FBXL17: variants seen among roughly 807,000 people sequenced by gnomAD.
The protein encoded by FBXL17 is F-box and leucine rich repeat protein 17, also known as F-box/LRR-repeat protein 17.
In FBXL17, 22 loss-of-function variants were observed where a neutral mutation model predicts 66.2. That is an observed-to-expected ratio of 0.33 (90% confidence interval 0.24 to 0.47). The LOEUF is 0.47. Ranked by LOEUF, FBXL17 falls within the 20% of genes least tolerant of loss-of-function variation. The pLI, the probability that FBXL17 is intolerant of heterozygous loss-of-function variation, is 1.00. For missense variants in FBXL17, 878 were observed against 948.2 expected, an observed-to-expected ratio of 0.93 and a Z score of 0.97; for synonymous variants, 474 against 400.5, an observed-to-expected ratio of 1.18 and a Z score of -2.19.
intron 6 of FBXL17, among the ~76,000 whole-genome samples, chr5:108,102,628 CTG>C (rs754137771): frequency 2.6e-5 from 4 of 152,160 alleles, no homozygotes; most frequent in Non-Finnish European, 1.5e-5. Flanking sequence ...ACCACAGCAA[CTG>C]TGTTACTTTT....
At chr5:108,015,999 T>C (rs934968194) in intron 7 of FBXL17, among the ~76,000 whole-genome samples, 3 of 152,162 alleles carry the variant, frequency 2.0e-5, no homozygotes, top group Admixed American at 2.0e-4. Flanking sequence ...AAACTAAACA[T>C]CTGTATGTAG....
At chr5:107,877,127 A>G (rs1197782746) in intron 8 of FBXL17, among the ~76,000 whole-genome samples, 2 of 152,224 alleles carry the variant, frequency 1.3e-5, no homozygotes, top group African/African-American at 4.8e-5. Context: ...CGTCAGCTCC[A>G]AAACCCTCCA....
At chr5:108,288,314 A>C (rs1235966536) in intron 4 of FBXL17, among the ~76,000 whole-genome samples, 2 of 152,030 alleles carry the variant, frequency 1.3e-5, no homozygotes, top group East Asian at 3.9e-4. Context: ...AAAAAAAAAA[A>C]AGTTGTGAGA....
At chr5:108,002,313 C>T (rs534510633) in intron 7 of FBXL17, among the ~76,000 whole-genome samples, 4 of 151,764 alleles carry the variant, frequency 2.6e-5, no homozygotes, top group Admixed American at 6.6e-5. Context: ...CACAAGCCAC[C>T]GCGCCCAGTC....
chr5:108,339,953 TA>T (rs1746767809), intron 4 of FBXL17, among the ~76,000 whole-genome samples: 1 of 151,904 alleles, frequency 6.6e-6, no homozygotes, highest in Non-Finnish European at 1.5e-5. Context: ...ATCTGCTGGG[TA>T]AAAAATAATG....
At chr5:107,874,134 C>A (rs1276966185) in intron 8 of FBXL17, among the ~76,000 whole-genome samples, 2 of 151,994 alleles carry the variant, frequency 1.3e-5, no homozygotes, top group Non-Finnish European at 2.9e-5. Context: ...CAGGTTTCTT[C>A]TTTCTCTGCA....
At chr5:108,342,580 G>A (rs139061515) in intron 4 of FBXL17, among the ~76,000 whole-genome samples, 1 of 152,256 alleles carries the variant, frequency 6.6e-6, no homozygotes, top group African/African-American at 2.4e-5. Context: ...GTGTGGATTA[G>A]CATTACAGGT....
At chr5:108,120,096 CTTGAGA>C (rs1264015824) in intron 6 of FBXL17, among the ~76,000 whole-genome samples, 2 of 152,198 alleles carry the variant, frequency 1.3e-5, no homozygotes, top group African/African-American at 2.4e-5. Flanking sequence ...ACGAAACTGG[CTTGAGA>C]ACAGCATCTT....
chr5:108,137,381 C>T (rs1751176889), intron 6 of FBXL17, among the ~76,000 whole-genome samples: 1 of 152,122 alleles, frequency 6.6e-6, no homozygotes, highest in Non-Finnish European at 1.5e-5. Flanking sequence ...AGAGCCTCCT[C>T]CCTGATCTCT....
chr5:108,060,951 C>G (rs1747896157), intron 6 of FBXL17, among the ~76,000 whole-genome samples: 1 of 152,042 alleles, frequency 6.6e-6, no homozygotes, highest in Non-Finnish European at 1.5e-5. Context: ...GGCCAACAAC[C>G]AGACATCTTG....
chr5:108,274,951 G>A (rs1308885403), intron 4 of FBXL17, among the ~76,000 whole-genome samples: 1 of 152,128 alleles, frequency 6.6e-6, no homozygotes, highest in African/African-American at 2.4e-5. Context: ...TAAGGAAACT[G>A]GAGAGCAGAG....
intron 7 of FBXL17, among the ~76,000 whole-genome samples, chr5:107,927,219 G>T (rs1351349506): frequency 1.9e-4 from 29 of 152,058 alleles, no homozygotes; most frequent in Admixed American, 1.9e-3. Context: ...AGAGTGATAT[G>T]TTATAAATAA....
At chr5:108,347,559 C>A (rs375663601) in intron 4 of FBXL17, among the ~76,000 whole-genome samples, 2 of 152,274 alleles carry the variant, frequency 1.3e-5, no homozygotes, top group East Asian at 3.9e-4. Flanking sequence ...TTGAAAACAT[C>A]ATGCTGAGAC....
At chr5:108,251,905 CA>C (rs1756371107) in intron 4 of FBXL17, among the ~76,000 whole-genome samples, 1 of 151,630 alleles carries the variant, frequency 6.6e-6, no homozygotes, top group African/African-American at 2.4e-5. Context: ...AGATCTATTC[CA>C]TTAATTTTAA....
intron 7 of FBXL17, among the ~76,000 whole-genome samples, chr5:107,952,723 A>C (rs1751536211): frequency 6.6e-6 from 1 of 152,220 alleles, no homozygotes; most frequent in Admixed American, 6.5e-5. Flanking sequence ...TGAACTATTC[A>C]AACGGCATAA....
intron 4 of FBXL17, among the ~76,000 whole-genome samples, chr5:108,259,264 A>G (rs1580704073): frequency 2.0e-5 from 3 of 152,324 alleles, no homozygotes; most frequent in East Asian, 1.9e-4. Flanking sequence ...AAAAATGTCT[A>G]TCGATATGGG....
intron 6 of FBXL17, among the ~76,000 whole-genome samples, chr5:108,022,223 AT>A (rs1424741941): frequency 1.3e-5 from 2 of 152,092 alleles, no homozygotes; most frequent in African/African-American, 4.8e-5. Flanking sequence ...CTATAAAAAA[AT>A]GGATAAACTT....
At chr5:108,354,801 G>A (rs1747869927) in intron 3 of FBXL17, among the ~76,000 whole-genome samples, 3 of 151,154 alleles carry the variant, frequency 2.0e-5, no homozygotes, top group African/African-American at 7.3e-5. Flanking sequence ...CCTACAGAGG[G>A]GCAAAAATAA....
At chr5:108,117,661 T>C (rs1750317019) in intron 6 of FBXL17, among the ~76,000 whole-genome samples, 1 of 152,088 alleles carries the variant, frequency 6.6e-6, no homozygotes, top group East Asian at 1.9e-4. Context: ...CAAAAAACGT[T>C]GAGGTATTAA....
Sources: gnomAD v4.1 joint callset for allele counts (sites outside exome capture counted in the v4.1 genomes callset) on GRCh38, gnomAD v4.1.1 for gene constraint, MANE v1.5 for transcripts, NCBI Gene and HGNC (gene_info 2026-07-23, HGNC 2026-07-21) for gene names.